Variants in SUCLG1 observed in about 807,000 individuals in gnomAD.
SUCLG1 encodes succinate--CoA ligase [ADP/GDP-forming] subunit alpha, mitochondrial.
Under a neutral mutation model 37.3 loss-of-function variants are expected in SUCLG1, and 26 were observed. The ratio of observed to expected loss-of-function variants is 0.70; its 90% CI spans 0.51 to 0.97. The LOEUF (loss-of-function observed/expected upper bound fraction) is 0.97, where lower values mean the gene tolerates loss of function less well. Ranked by LOEUF, SUCLG1 falls within the 50% of genes least tolerant of loss-of-function variation. The probability of loss-of-function intolerance (pLI) is 0.00; values close to 1 mark genes in which losing one functional copy is unlikely to be tolerated. For missense variants in SUCLG1, 433 were observed against 432.9 expected (o/e 1.00, Z 0.00); for synonymous variants, 163 against 155.6 (o/e 1.05, Z -0.36).
chr2:84,425,912 G>C, intron 7 of SUCLG1: 1 of 385,602 alleles, frequency 2.6e-6, no homozygotes, highest in African/African-American at 2.1e-5. Context: ...TGGAAAATAT[G>C]ATTTGCGATA....
At chr2:84,459,059 AG>A in intron 1 of SUCLG1, 113 bp downstream of exon 1, 1 of 1,101,692 alleles carries the variant, frequency 9.1e-7, no homozygotes, top group Non-Finnish European at 1.3e-6. Flanking sequence ...AGCGGCTCCC[AG>A]GCCCCCGCCG....
At chr2:84,451,313 C>G (rs1573375941) in intron 1 of SUCLG1, among the ~76,000 whole-genome samples, 1 of 152,300 alleles carries the variant, frequency 6.6e-6, no homozygotes, top group East Asian at 1.9e-4. Flanking sequence ...CATATGTTTT[C>G]AGACCAGAAG....
chr2:84,457,302 A>G (rs1349201849), intron 1 of SUCLG1, among the ~76,000 whole-genome samples: 2 of 152,220 alleles, frequency 1.3e-5, no homozygotes, highest in Non-Finnish European at 2.9e-5. Context: ...GTGTTTACAC[A>G]TTAAGCATTG....
chr2:84,430,019 G>C (rs939991077), intron 7 of SUCLG1, among the ~76,000 whole-genome samples: 2 of 152,132 alleles, frequency 1.3e-5, no homozygotes, highest in Non-Finnish European at 2.9e-5. Context: ...CAGGATAAGA[G>C]AGAAATAAAA....
intron 5 of SUCLG1, among the ~76,000 whole-genome samples, chr2:84,438,497 TATTAC>T (rs1032948941): frequency 5.3e-5 from 8 of 152,276 alleles, no homozygotes; most frequent in African/African-American, 1.4e-4. Context: ...ATTATACTGC[TATTAC>T]ATTACATTAT....
At chr2:84,425,740 C>G in intron 7 of SUCLG1, 137 bp from the exon 8 acceptor site, 1 of 934,466 alleles carries the variant, frequency 1.1e-6, no homozygotes, top group Non-Finnish European at 1.7e-6. Flanking sequence ...AAAACCAACA[C>G]AAATATTAAA....
intron 5 of SUCLG1, among the ~76,000 whole-genome samples, chr2:84,436,298 T>TA (rs1414190732): frequency 6.6e-6 from 1 of 152,236 alleles, no homozygotes; most frequent in Non-Finnish European, 1.5e-5. Context: ...TAATGCTTTT[T>TA]AAAAAACAAA....
In SUCLG1 at chr2:84,423,785, AAG is replaced by A. The variant is rs762810685; in HGVS notation, c.1015-15_1015-14del. ...TCTTTTCAAATTCCTTCAGAAACAG[AAG>A]AGAGAGAGAAGAGAGATGGAATGAA... On this transcript the variant is annotated splice_polypyrimidine_tract_variant and intron_variant, in intron 8 of 8. Coordinates refer to ENST00000393868, the MANE Select transcript of SUCLG1 (RefSeq NM_003849.4). The A allele has an allele frequency of 8.1e-6, 13 of 1,604,878 alleles. No homozygotes were observed. The highest frequency in any genetic ancestry group is 2.2e-5 in the East Asian group (1 of 44,844).
rs1264774230 is a variant in SUCLG1 at position 84,443,407 on chromosome 2, G to T, written c.202-7C>A. On this transcript the variant is annotated splice_polypyrimidine_tract_variant and splice_region_variant and intron_variant, in intron 2 of 8. Coordinates refer to ENST00000393868, the MANE Select transcript of SUCLG1 (RefSeq NM_003849.4). ...GCTGGCTGTGAAAGGTGCCCTGAGG[G>T]GAAAAAGCACAAGATCCATGAGAAA... is the stretch of plus-strand genomic sequence containing the variant. 1 of 1,613,398 alleles carries T rather than the reference G, an allele frequency of 6.2e-7. No individual in the cohort carries two copies. Among genetic ancestry groups the T allele is most frequent in the African/African-American group, 1.3e-5 (1 of 74,908 alleles).
At chr2:84,448,866 A>G (rs1672891080) in intron 2 of SUCLG1, 1 of 275,700 alleles carries the variant, frequency 3.6e-6, no homozygotes, top group South Asian at 3.9e-5. Flanking sequence ...AATACTACAA[A>G]ACACATATTA....
At chr2:84,445,544 A>T (rs550048363) in intron 2 of SUCLG1, among the ~76,000 whole-genome samples, 1 of 152,218 alleles carries the variant, frequency 6.6e-6, no homozygotes, top group East Asian at 1.9e-4. Context: ...CTGAGTTCCC[A>T]ATCACTCCCC....
intron 2 of SUCLG1, among the ~76,000 whole-genome samples, chr2:84,448,520 CAAAAAAAAA>C (rs59457991): frequency 8.0e-6 from 1 of 125,158 alleles, no homozygotes; most frequent in Non-Finnish European, 1.7e-5. Context: ...CTTAAATTAC[CAAAAAAAAA>C]AAAAAAAAAA....
At chr2:84,433,966 C>A (rs1672647004) in intron 5 of SUCLG1, among the ~76,000 whole-genome samples, 1 of 152,116 alleles carries the variant, frequency 6.6e-6, no homozygotes, top group African/African-American at 2.4e-5. Context: ...TGAGTTCTCA[C>A]TCTGTTCCTT....
intron 7 of SUCLG1, among the ~76,000 whole-genome samples, chr2:84,430,738 C>T (rs1350085341): frequency 6.6e-6 from 1 of 152,160 alleles, no homozygotes; most frequent in African/African-American, 2.4e-5. Flanking sequence ...AAAATTTTCA[C>T]TCATTCCTCA....
In SUCLG1 at chr2:84,441,440, G is replaced by C. The variant is rs200123223; in HGVS notation, c.338C>G (p.Ala113Gly). The change falls in exon 4 of 9, where the codon GCA (alanine) becomes GGA (glycine). Residue 113 changes from alanine (A) to glycine (G), a missense_variant. By Grantham distance (60) the Ala-to-Gly change is moderately conservative. Transcript: ENST00000393868. ...AGGAACATAAATGACAGAAGCCGTTGCTCCTGTCTGTTCTTTGGCCTGAAA... is the reference window on the plus strand; with the variant it reads ...AGGAACATAAATGACAGAAGCCGTTCCTCCTGTCTGTTCTTTGGCCTGAAA... ...TVKEAKEQTG[A>G]TASVIYVPPP... The C allele has an allele frequency of 2.5e-5, 41 of 1,613,990 alleles. No homozygotes were observed. The highest frequency in any genetic ancestry group is 1.6e-4 in the Middle Eastern group (1 of 6,084).
At chr2:84,454,550 C>A (rs1311466517) in intron 1 of SUCLG1, among the ~76,000 whole-genome samples, 2 of 152,194 alleles carry the variant, frequency 1.3e-5, no homozygotes, top group Non-Finnish European at 2.9e-5. Context: ...TAGGGATTCA[C>A]AGGTGAACAA....
chr2:84,425,889 T>A, intron 7 of SUCLG1: 1 of 434,242 alleles, frequency 2.3e-6, no homozygotes, highest in South Asian at 2.3e-5. Context: ...ATTTGAAAAG[T>A]AAAAGAGCAT....
intron 1 of SUCLG1, among the ~76,000 whole-genome samples, chr2:84,450,794 T>C (rs1006328217): frequency 2.0e-5 from 3 of 152,190 alleles, no homozygotes; most frequent in Non-Finnish European, 2.9e-5. Flanking sequence ...AGTCCTGACC[T>C]CACATTACAT....
At chr2:84,448,377 T>C (rs1672882636) in intron 2 of SUCLG1, among the ~76,000 whole-genome samples, 1 of 152,018 alleles carries the variant, frequency 6.6e-6, no homozygotes. Flanking sequence ...TAACACAGAC[T>C]GTATGACCCA....
Sources: gnomAD v4.1 joint callset for allele counts (sites outside exome capture counted in the v4.1 genomes callset) on GRCh38, gnomAD v4.1.1 for gene constraint, MANE v1.5 for transcripts, NCBI Gene and HGNC (gene_info 2026-07-23, HGNC 2026-07-21) for gene names.